Variants in AOPEP observed in about 807,000 individuals in gnomAD.
AOPEP encodes aminopeptidase O (putative), also known as aminopeptidase O.
Under a neutral mutation model 98.1 loss-of-function variants are expected in AOPEP, and 77 were observed. The observed-to-expected ratio is 0.78, with a 90% CI of 0.65 to 0.95. AOPEP has a LOEUF of 0.95. AOPEP is among the 40% of genes least tolerant of loss of function. The probability of loss-of-function intolerance (pLI) is 0.00; values close to 1 mark genes in which losing one functional copy is unlikely to be tolerated. For missense variants in AOPEP, 1,024 were observed against 1,024.7 expected (o/e 1.00, Z 0.01); for synonymous variants, 346 against 365.3 (o/e 0.95, Z 0.60).
chr9:95,080,040 C>G (rs1198177942), intron 14 of AOPEP, among the ~76,000 whole-genome samples: 1 of 152,164 alleles, frequency 6.6e-6, no homozygotes, highest in Admixed American at 6.5e-5. Flanking sequence ...GAAAGGGAAC[C>G]CTCACTCACA....
Position 94,805,656 on chromosome 9 carries a change from G to A in AOPEP, c.1364+4654G>A, listed in dbSNP as rs533466660. Among the ~76,000 whole-genome samples, 240 of 152,240 alleles carry A rather than the reference G, an allele frequency of 1.6e-3. 1 individual carries two copies. The highest frequency in any genetic ancestry group is 3.4e-3 in the Middle Eastern group (1 of 294). ...AGGCTTATTCTTAAAAGGTTTGATT[G>A]TGCAATAAAAGACTTCTGAATGTTT... On this transcript the variant is annotated intron_variant, in intron 5 of 16. Coordinates refer to ENST00000375315, the MANE Select transcript of AOPEP (RefSeq NM_001193329.3).
rs57837059 is a variant in AOPEP at position 95,041,446 on chromosome 9, G to GGTGTGT, written c.2116-19218_2116-19213dup. 4.0e-3 allele frequency among the ~76,000 whole-genome samples: 572 copies of GGTGTGT among 142,106 alleles called. 4 individuals are homozygous for GGTGTGT. The highest frequency in any genetic ancestry group is 0.013 in the African/African-American group (478 of 38,138). The allele number at this position is 142,106 out of a possible 152,430, so 93.2% of individuals were successfully genotyped here. A position where few individuals can be genotyped will look rare whatever the true frequency, so the allele number is the denominator to read the frequency against. On this transcript the variant is annotated intron_variant, in intron 13 of 16. Coordinates refer to ENST00000375315, the MANE Select transcript of AOPEP (RefSeq NM_001193329.3). ...ATACTGTGTACTCAGAGTCCTTGGG[G>GGTGTGT]GTGTGTGTGTGTGTGTGTGTGTGTG...
intron 3 of AOPEP, among the ~76,000 whole-genome samples, chr9:94,781,909 G>A (rs144695041): frequency 2.6e-4 from 39 of 151,226 alleles, no homozygotes; most frequent in African/African-American, 9.2e-4. Context: ...AATACTCTGA[G>A]GGCTGGGTGC....
Position 94,801,003 on chromosome 9 carries a change from G to A in AOPEP, c.1364+1G>A. Reference sequence around the variant, plus strand: ...ACTTTCCAAGTCTGGGGATGGCCAGGTATGTTGTTCCATTGTGGCACTTGG... The same window carrying A: ...ACTTTCCAAGTCTGGGGATGGCCAGATATGTTGTTCCATTGTGGCACTTGG... On this transcript the variant is annotated splice_donor_variant, in intron 5 of 16. Coordinates refer to ENST00000375315, the MANE Select transcript of AOPEP (RefSeq NM_001193329.3). LOFTEE classifies it high-confidence loss of function. 6.2e-7 allele frequency: 1 copy of A among 1,613,916 alleles called. No homozygotes were observed. The highest frequency in any genetic ancestry group is 8.5e-7 in the Non-Finnish European group (1 of 1,179,768).
At chr9:95,009,550 A>C (rs1392296159) in intron 13 of AOPEP, among the ~76,000 whole-genome samples, 1 of 152,172 alleles carries the variant, frequency 6.6e-6, no homozygotes, top group African/African-American at 2.4e-5. Context: ...AGAAGTATTC[A>C]TTGGCTCACT....
Position 94,955,902 on chromosome 9 carries a change from T to C in AOPEP, c.1765-6T>C, listed in dbSNP as rs767975576. The C allele has an allele frequency of 6.2e-7, 1 of 1,602,918 alleles. No individual in the cohort carries two copies. The highest frequency in any genetic ancestry group is 8.5e-7 in the Non-Finnish European group (1 of 1,172,830). ...TCTTTTTCTCTCTCTTTTTTCTTTC[T>C]TCTAGGGCTACTTCCTTCTTCGGTT... On this transcript the variant is annotated splice_polypyrimidine_tract_variant and splice_region_variant and intron_variant, in intron 8 of 16. Coordinates refer to ENST00000375315, the MANE Select transcript of AOPEP (RefSeq NM_001193329.3).
intron 2 of AOPEP, among the ~76,000 whole-genome samples, chr9:94,761,019 A>G (rs1218589901): frequency 6.6e-6 from 1 of 152,312 alleles, no homozygotes; most frequent in East Asian, 1.9e-4. Context: ...AGTGCTTTCA[A>G]ATAAAGCCAG....
At chr9:94,835,684 A>G (rs969210555) in intron 5 of AOPEP, among the ~76,000 whole-genome samples, 1 of 152,238 alleles carries the variant, frequency 6.6e-6, no homozygotes, top group Non-Finnish European at 1.5e-5. Flanking sequence ...AAAGACTTTA[A>G]CAGCTTATAG....
chr9:94,845,075 G>A (rs910646678), intron 5 of AOPEP, among the ~76,000 whole-genome samples: 1 of 152,228 alleles, frequency 6.6e-6, no homozygotes, highest in African/African-American at 2.4e-5. Flanking sequence ...TCTGCTAGGG[G>A]AGACAAATAG....
chr9:94,801,468 C>T (rs140101930), intron 5 of AOPEP, among the ~76,000 whole-genome samples: 3 of 152,342 alleles, frequency 2.0e-5, no homozygotes, highest in African/African-American at 4.8e-5. Flanking sequence ...AGGGCAATGA[C>T]TTGAGAGACC....
chr9:95,090,529 C>T (rs906318010), downstream of AOPEP, among the ~76,000 whole-genome samples: 2 of 152,136 alleles, frequency 1.3e-5, no homozygotes, highest in Non-Finnish European at 2.9e-5. Context: ...TGAGGGTGAC[C>T]CCAGCCCAGA....
intron 13 of AOPEP, among the ~76,000 whole-genome samples, chr9:95,036,690 T>C (rs1045229110): frequency 1.5e-5 from 1 of 68,082 alleles, no homozygotes; most frequent in African/African-American, 3.4e-5. Context: ...CTTGTTCTTC[T>C]TTCTTCTTCT....
chr9:95,123,611 C>T, the AOPEP span: 5 of 598,540 alleles, frequency 8.4e-6, no homozygotes, highest in Non-Finnish European at 1.6e-5. Context: ...CCAATGTGTG[C>T]CCAAGGACAA....
chr9:94,925,733 A>G (rs1275715460), intron 6 of AOPEP, among the ~76,000 whole-genome samples: 1 of 152,180 alleles, frequency 6.6e-6, no homozygotes, highest in Non-Finnish European at 1.5e-5. Flanking sequence ...AGGCCACATG[A>G]TAGATACAGA....
At chr9:95,093,410 C>G in the AOPEP span, among the ~76,000 whole-genome samples, 2 of 152,298 alleles carry the variant, frequency 1.3e-5, no homozygotes, top group East Asian at 3.9e-4. Flanking sequence ...GACTACGGTG[C>G]AAGGATCAGA....
At chr9:94,853,304 A>G (rs1165280079) in intron 5 of AOPEP, among the ~76,000 whole-genome samples, 1 of 152,182 alleles carries the variant, frequency 6.6e-6, no homozygotes, top group Non-Finnish European at 1.5e-5. Context: ...CACTAAAAAT[A>G]CAAAAATTAG....
intron 5 of AOPEP, among the ~76,000 whole-genome samples, chr9:94,881,039 A>C (rs1462929515): frequency 6.6e-6 from 1 of 152,192 alleles, no homozygotes; most frequent in Admixed American, 6.5e-5. Context: ...AGTAGGTTTT[A>C]GATGGAGTAG....
the AOPEP span, among the ~76,000 whole-genome samples, chr9:95,148,104 A>G: frequency 6.6e-6 from 1 of 152,264 alleles, no homozygotes; most frequent in East Asian, 1.9e-4. Flanking sequence ...ACTCTTCACC[A>G]CCACACACAC....
At chr9:94,788,683 C>A (rs1844981600) in intron 3 of AOPEP, among the ~76,000 whole-genome samples, 1 of 152,164 alleles carries the variant, frequency 6.6e-6, no homozygotes, top group Non-Finnish European at 1.5e-5. Context: ...AAGCTAATCC[C>A]CTTCTTTCAG....
Sources: gnomAD v4.1 joint callset for allele counts (sites outside exome capture counted in the v4.1 genomes callset) on GRCh38, gnomAD v4.1.1 for gene constraint, MANE v1.5 for transcripts, NCBI Gene and HGNC (gene_info 2026-07-23, HGNC 2026-07-21) for gene names.